Variants in SLC12A4 observed in about 807,000 individuals in gnomAD.
SLC12A4 encodes electroneutral potassium-chloride cotransporter 1.
In SLC12A4, 84 loss-of-function variants were observed where a neutral mutation model predicts 119.2. The ratio of observed to expected loss-of-function variants is 0.70; its 90% CI spans 0.59 to 0.85. The LOEUF (loss-of-function observed/expected upper bound fraction) is 0.85, where lower values mean the gene tolerates loss of function less well. SLC12A4 is among the 40% of genes least tolerant of loss of function. The pLI is 0.00. For synonymous variants in SLC12A4, 599 were observed against 604.6 expected, an observed-to-expected ratio of 0.99 and a Z score of 0.14; for missense variants, 1,298 against 1,476.3, an observed-to-expected ratio of 0.88 and a Z score of 1.98.
At chr16:67,968,648 C>T (rs1176013731), upstream of SLC12A4, 1 of 1,284,636 alleles carries the variant, frequency 7.8e-7, no homozygotes, top group South Asian at 2.7e-5. Context: ...GCCCCGCCCG[C>T]TCGCATTCCT....
chr16:67,954,310 G>C (rs906933022), intron 6 of SLC12A4: 1 of 356,586 alleles, frequency 2.8e-6, no homozygotes. Flanking sequence ...CACAAGCCCA[G>C]AAGGAAGCCT....
At chr16:67,966,623 C>G (rs1598235556) in intron 1 of SLC12A4, 1 of 1,222,320 alleles carries the variant, frequency 8.2e-7, no homozygotes, top group East Asian at 2.9e-5. Flanking sequence ...GATGAGCAAG[C>G]CCATCTAGGC....
At chr16:67,954,168 G>A (rs764386430) in intron 6 of SLC12A4, 33 of 403,680 alleles carry the variant, frequency 8.2e-5, no homozygotes, top group African/African-American at 5.9e-4. Flanking sequence ...GAGCTCCCAT[G>A]GGGCTCGTGG....
Position 67,949,579 on chromosome 16 carries a change from G to C in SLC12A4, c.1748+221C>G, listed in dbSNP as rs1165173186. ...GGTCTGCCGGCCACCTGCTCTGGGG[G>C]CCTCAGGGAGGTGTGGACATATTGG... On this transcript the variant is annotated intron_variant, in intron 13 of 23. Coordinates refer to ENST00000316341, the MANE Select transcript of SLC12A4 (RefSeq NM_005072.5). This position sits in a 1 kb window ranked among gnomAD's most constrained non-coding sequence, Gnocchi z 4.6. 6.6e-6 allele frequency: 3 copies of C among 456,550 alleles called. No homozygotes were observed. Among genetic ancestry groups the C allele is most frequent in the African/African-American group, 4.2e-5 (2 of 47,986 alleles). 28.3% of individuals were successfully genotyped at this position (456,550 alleles called of 1,614,324 possible).
intron 13 of SLC12A4, among the ~76,000 whole-genome samples, chr16:67,948,566 A>C (rs1425115686): frequency 6.6e-6 from 1 of 152,214 alleles, no homozygotes. Flanking sequence ...ATTTGAATGC[A>C]ACCAGTCAGA....
At chr16:67,958,975 T>C (rs761423328) in intron 3 of SLC12A4, among the ~76,000 whole-genome samples, 1 of 152,134 alleles carries the variant, frequency 6.6e-6, no homozygotes, top group Non-Finnish European at 1.5e-5. Context: ...ATTTTGTTAC[T>C]ATATTAGGGC....
chr16:67,963,850 T>C (rs992753236), intron 1 of SLC12A4: 53 of 1,522,606 alleles, frequency 3.5e-5, no homozygotes, highest in African/African-American at 1.8e-4. Flanking sequence ...GGACGGGGCC[T>C]GCAGAGGGGC....
Position 67,963,531 on chromosome 16 carries a change from A to G in SLC12A4, c.144T>C (p.Pro48=). The change falls in exon 2 of 24, where the codon CCT becomes CCC. Residue 48 remains proline, a synonymous_variant. Transcript: ENST00000316341. ...DGHGNHRESS[P]FLSPLEASRG... is the part of the protein sequence containing the mutation. ...TGGAAGCCTCCAAGGGGGAAAGAAA[A>G]GGGCTGCTCTCTCTGTGGTTGCCAT... is the stretch of plus-strand genomic sequence containing the variant. The G allele has an allele frequency of 1.3e-6, 2 of 1,582,072 alleles. No individual in the cohort carries two copies. The highest frequency in any genetic ancestry group is 2.0e-5 in the Admixed American group (1 of 49,828).
chr16:67,945,725 C>T, intron 21 of SLC12A4, 39 bp downstream of exon 21: 1 of 1,593,130 alleles, frequency 6.3e-7, no homozygotes, highest in East Asian at 2.2e-5. Context: ...AGGCCTGACC[C>T]TGCCACCCGC....
chr16:67,968,675 T>G, upstream of SLC12A4: 1 of 1,265,682 alleles, frequency 7.9e-7, no homozygotes, highest in African/African-American at 1.6e-5. Context: ...TGCGCTCACT[T>G]CCTCCGCCCG....
chr16:67,955,993 A>G (rs939425148), intron 5 of SLC12A4, among the ~76,000 whole-genome samples: 3 of 152,050 alleles, frequency 2.0e-5, no homozygotes, highest in African/African-American at 4.8e-5. Flanking sequence ...CCTAGCCAAC[A>G]TGGTGAAACC....
In SLC12A4 at chr16:67,945,535, G is replaced by A. The variant is rs761397844; in HGVS notation, c.2866C>T (p.Arg956Trp). The A allele has an allele frequency of 5.0e-6, 8 of 1,613,532 alleles. No individual in the cohort carries two copies. The highest frequency in any genetic ancestry group is 5.1e-6 in the Non-Finnish European group (6 of 1,179,782). Residue 956 changes from arginine (R) to tryptophan (W), a missense_variant, in exon 22 of 24, where the codon CGG becomes TGG. Physicochemically the swap from Arg to Trp is moderately radical, Grantham distance 101 (BLOSUM62 -3). Transcript: ENST00000316341. ...CTCTCCAGCCGCAGGGCCGAGTGCC[G>A]ATCCTTGACCAGCTGGGCCTGAGGA... The part of the protein sequence containing the change: ...REREAQLVKD[R>W]HSALRLESLY...
chr16:67,951,417 T>TGCAG lies in SLC12A4; in HGVS notation c.1133-114_1133-113insCTGC. ...CAACTTTGGGGACTCAGGGAACAGC[T>TGCAG]TCAGCCCAATGACTGCAGCGTCAGC... On this transcript the variant is annotated intron_variant, in intron 8 of 23. Transcript: ENST00000316341. This position sits in a 1 kb window ranked among gnomAD's most constrained non-coding sequence, Gnocchi z 5.2. 8.3e-7 allele frequency: 1 copy of TGCAG among 1,207,774 alleles called. No homozygotes were observed. Among genetic ancestry groups the TGCAG allele is most frequent in the Non-Finnish European group, 1.2e-6 (1 of 867,318 alleles). 74.8% of individuals were successfully genotyped at this position (1,207,774 alleles called of 1,614,324 possible).
chr16:67,958,445 T>C (rs2030393463), intron 3 of SLC12A4, among the ~76,000 whole-genome samples: 1 of 152,084 alleles, frequency 6.6e-6, no homozygotes, highest in African/African-American at 2.4e-5. Flanking sequence ...CTAGTCCCGG[T>C]AGACACTAAC....
At chr16:67,947,509 G>A (rs988542972) in intron 15 of SLC12A4, 74 bp from the exon 16 acceptor site, 2 of 1,526,732 alleles carry the variant, frequency 1.3e-6, no homozygotes, top group Non-Finnish European at 1.8e-6. Flanking sequence ...GCGAGGTGGA[G>A]GGGTTCTGCC....
rs1339205046 is a variant in SLC12A4, at chr16:67,943,752, G to C, written c.*1088C>G. Reference sequence around the variant, plus strand: ...TCCGCCCCCCCTGGGTTAGACAACTGAGAGTCACAGTGTGGTGGGAGAAGG... The same window carrying C: ...TCCGCCCCCCCTGGGTTAGACAACTCAGAGTCACAGTGTGGTGGGAGAAGG... On this transcript the variant is annotated 3_prime_UTR_variant, in exon 24 of 24. Transcript: ENST00000316341. This position sits in a 1 kb window ranked among gnomAD's most constrained non-coding sequence, Gnocchi z 4.6. The C allele has an allele frequency of 9.9e-6, 6 of 604,112 alleles. No individual in the cohort carries two copies. The East Asian group carries it at 1.7e-4, about 17-fold the overall frequency. The allele number at this position is 604,112 out of a possible 1,614,324, so 37.4% of individuals were successfully genotyped here. A position where few individuals can be genotyped will look rare whatever the true frequency, so the allele number is the denominator to read the frequency against.
At chr16:67,948,628 C>T (rs997705808) in intron 13 of SLC12A4, among the ~76,000 whole-genome samples, 9 of 152,166 alleles carry the variant, frequency 5.9e-5, no homozygotes, top group African/African-American at 2.2e-4. Context: ...ATGGGCAGGG[C>T]CAGCTGCATG....
At chr16:67,946,742 G>T in intron 17 of SLC12A4, 109 bp from the exon 18 acceptor site, 1 of 1,352,928 alleles carries the variant, frequency 7.4e-7, no homozygotes, top group Non-Finnish European at 1.0e-6. Flanking sequence ...GGAGGGCCTG[G>T]GGGCAACAAG....
chr16:67,951,180 G>C lies in SLC12A4; in HGVS notation c.1257C>G (p.Ser419=). 1 of 1,614,100 alleles carries C rather than the reference G, an allele frequency of 6.2e-7. No homozygotes were observed. The highest frequency in any genetic ancestry group is 8.5e-7 in the Non-Finnish European group (1 of 1,179,962). The part of the protein sequence containing the change: ...PLYVVADIAT[S]FTVLVGIFFP... ...AGAAGATGCCGACCAGCACGGTGAA[G>C]GATGTGGCGATGTCAGCGACCACGT... Residue 419 remains serine, a synonymous_variant, in exon 9 of 24, where the codon TCC becomes TCG. Coordinates refer to ENST00000316341, the MANE Select transcript of SLC12A4 (RefSeq NM_005072.5). The surrounding 1 kb of genome is among the most constrained non-coding windows in gnomAD (Gnocchi z 5.2).
Sources: allele counts gnomAD v4.1 joint callset (sites outside exome capture counted in the v4.1 genomes callset), GRCh38; gene constraint gnomAD v4.1.1; non-coding constraint Gnocchi (gnomAD v3.1); transcripts MANE v1.5; gene names NCBI Gene and HGNC (gene_info 2026-07-23, HGNC 2026-07-21).